SNX8: variants seen among roughly 807,000 people sequenced by gnomAD.
SNX8 encodes sorting nexin 8.
Under a neutral mutation model 51.6 loss-of-function variants are expected in SNX8, and 25 were observed. That is an observed-to-expected ratio of 0.48 (90% CI 0.35 to 0.68). The LOEUF (loss-of-function observed/expected upper bound fraction) is 0.68. Ranked by LOEUF, SNX8 falls within the 30% of genes least tolerant of loss-of-function variation. The pLI is 0.00. For synonymous variants in SNX8, 324 were observed against 277.0 expected, an observed-to-expected ratio of 1.17 and a Z score of -1.68; for missense variants, 695 against 624.0, an observed-to-expected ratio of 1.11 and a Z score of -1.21.
chr7:2,256,824 G>A (rs1382430399), intron 10 of SNX8, 50 bp downstream of exon 10: 5 of 1,573,148 alleles, frequency 3.2e-6, no homozygotes, highest in Non-Finnish European at 4.3e-6. Context: ...AGGGCGGAGG[G>A]ACAAAGAAAG....
At chr7:2,316,430 C>G (rs1796758725), upstream of SNX8, among the ~76,000 whole-genome samples, 1 of 151,482 alleles carries the variant, frequency 6.6e-6, no homozygotes, top group Non-Finnish European at 1.5e-5. Flanking sequence ...ATCCTGCATT[C>G]ATTCACCCAC....
chr7:2,274,036 C>T (rs1010102412), intron 3 of SNX8, among the ~76,000 whole-genome samples: 3 of 152,254 alleles, frequency 2.0e-5, no homozygotes, highest in Admixed American at 1.3e-4. Flanking sequence ...AGCGGCCCAG[C>T]GCGCGTGTGC....
At chr7:2,273,357 G>GC in intron 3 of SNX8, among the ~76,000 whole-genome samples, 1 of 147,926 alleles carries the variant, frequency 6.8e-6, no homozygotes, top group Non-Finnish European at 1.5e-5. Context: ...GGCTGAGGCA[G>GC]GTGGATCATG....
At chr7:2,268,285 T>C (rs1200100835) in intron 5 of SNX8, among the ~76,000 whole-genome samples, 2 of 136,736 alleles carry the variant, frequency 1.5e-5, no homozygotes, top group Non-Finnish European at 3.1e-5. Flanking sequence ...GTCTGAGAAG[T>C]GAGGAGACCC....
intron 9 of SNX8, 87 bp from the exon 10 acceptor site, chr7:2,257,110 G>A (rs1795205345): frequency 7.0e-7 from 1 of 1,431,886 alleles, no homozygotes; most frequent in African/African-American, 1.4e-5. Flanking sequence ...CCCTGAGCCA[G>A]GGCGGCCCCT....
Position 2,254,347 on chromosome 7 carries a change from G to A in SNX8, c.*709C>T, listed in dbSNP as rs1325905682. 6.5e-6 allele frequency: 1 copy of A among 154,374 alleles called. No homozygotes were observed. The highest frequency in any genetic ancestry group is 1.4e-5 in the Non-Finnish European group (1 of 69,612). 9.6% of individuals were successfully genotyped at this position (154,374 alleles called of 1,614,324 possible). On this transcript the variant is annotated 3_prime_UTR_variant, in exon 11 of 11. Transcript: ENST00000222990. ...AGGGAGTCCAGGGGACGAGAACACAGCTGCTGTAGCGCCCACTCTCAGAGC... is the reference window on the plus strand; with the variant it reads ...AGGGAGTCCAGGGGACGAGAACACAACTGCTGTAGCGCCCACTCTCAGAGC...
intron 1 of SNX8, among the ~76,000 whole-genome samples, chr7:2,303,514 G>A (rs1308774552): frequency 6.6e-6 from 1 of 152,258 alleles, no homozygotes; most frequent in Admixed American, 6.5e-5. Context: ...GAATAGAAGG[G>A]CGGGAAAGGT....
chr7:2,320,020 T>C (rs1478739436), intron 1 of SNX8, among the ~76,000 whole-genome samples: 13 of 152,178 alleles, frequency 8.5e-5, no homozygotes, highest in African/African-American at 2.4e-4. Flanking sequence ...TAAATCGTTA[T>C]ACAAGTATAA....
chr7:2,259,047 C>T lies in SNX8; in HGVS notation c.916-1244G>A, dbSNP rs145609812. Among the ~76,000 whole-genome samples the T allele has an allele frequency of 1.1e-4, 16 of 152,336 alleles. No individual in the cohort carries two copies. In the East Asian group the frequency reaches 1.7e-3, roughly 17 times the overall value. On this transcript the variant is annotated intron_variant, in intron 7 of 10. Coordinates refer to ENST00000222990, the MANE Select transcript of SNX8 (RefSeq NM_013321.4). ...GGGCGCAGGCCAGGCACAGTGCACA[C>T]GGCCCGAACACACGGTGCTCAGAGG...
rs193240550 is a variant in SNX8 at position 2,334,994 on chromosome 7, G to A, written c.-66+19228C>T. On this transcript the variant is annotated intron_variant, in intron 1 of 5. Coordinates refer to the SNX8 transcript ENST00000435336. ...ATGGATGACCTGACGTCAGGAGTTCGAGGCCAGCCTGTCCAATGTGGTGAA... is the reference window on the plus strand; with the variant it reads ...ATGGATGACCTGACGTCAGGAGTTCAAGGCCAGCCTGTCCAATGTGGTGAA... Among the ~76,000 whole-genome samples the A allele has an allele frequency of 6.3e-4, 95 of 151,738 alleles. 2 individuals carry two copies. The South Asian group carries it at 7.9e-3, about 13-fold the overall frequency.
intron 1 of SNX8, among the ~76,000 whole-genome samples, chr7:2,296,324 T>C (rs561386875): frequency 1.3e-5 from 2 of 152,106 alleles, no homozygotes; most frequent in South Asian, 4.1e-4. Flanking sequence ...GGGTGTTTGG[T>C]TGTTGTTATT....
chr7:2,332,722 T>TGAGAGA (rs371400352), intron 1 of SNX8, among the ~76,000 whole-genome samples: 1 of 125,568 alleles, frequency 8.0e-6, no homozygotes, highest in Non-Finnish European at 1.6e-5. Context: ...TGTACTCCAG[T>TGAGAGA]GAGAGAGAGA....
rs544792440 is a variant in SNX8, at chr7:2,281,906, C to A, written c.95-3601G>T. On this transcript the variant is annotated intron_variant, in intron 1 of 10. Transcript: ENST00000222990. ...GCCCTGATACTACAGCAACCCCCCA[C>A]AGGCCCCTCGAACGACAGCCCCTCC... Among the ~76,000 whole-genome samples, 30 of 152,292 alleles carry A rather than the reference C, an allele frequency of 2.0e-4. No individual in the cohort carries two copies. In the South Asian group the frequency reaches 6.2e-3, roughly 32 times the overall value.
Position 2,257,025 on chromosome 7 carries a change from T to C in SNX8, c.1135-2A>G, listed in dbSNP as rs1406825519. The C allele has an allele frequency of 6.3e-7, 1 of 1,598,072 alleles. No homozygotes were observed. The highest frequency in any genetic ancestry group is 1.1e-5 in the South Asian group (1 of 90,118). On this transcript the variant is annotated splice_acceptor_variant, in intron 9 of 10. Transcript: ENST00000222990. LOFTEE classifies it high-confidence loss of function. ...CATCGTCTGAATCGCGTTCTCCTGC[T>C]GCGGAGCAAACAGCCGCCTTTCGCA...
At chr7:2,305,175 T>C (rs1458225752) in intron 1 of SNX8, among the ~76,000 whole-genome samples, 2 of 152,182 alleles carry the variant, frequency 1.3e-5, no homozygotes, top group East Asian at 3.9e-4. Flanking sequence ...GGAGCTCTTC[T>C]GCTGATCAAC....
intron 5 of SNX8, among the ~76,000 whole-genome samples, chr7:2,269,131 G>A (rs943856220): frequency 5.6e-4 from 82 of 146,412 alleles, no homozygotes; most frequent in Non-Finnish European, 1.1e-3. Flanking sequence ...GATGGTTGCC[G>A]TGTCTGTGTA....
In SNX8 at chr7:2,257,783, G is replaced by A. The variant is rs777910274; in HGVS notation, c.936C>T (p.Asp312=). 5.6e-6 allele frequency: 9 copies of A among 1,613,880 alleles called. No homozygotes were observed. The highest frequency in any genetic ancestry group is 5.5e-5 in the South Asian group (5 of 91,096). The change falls in exon 8 of 11, where the codon GAC becomes GAT. Residue 312 remains aspartate, a synonymous_variant. Transcript: ENST00000222990. Reference sequence around the variant, plus strand: ...AGAAGAGGTTCAGCTTCTCCACCACGTCGTTCTCTTCCTGCTTACCCTGGA... The same window carrying A: ...AGAAGAGGTTCAGCTTCTCCACCACATCGTTCTCTTCCTGCTTACCCTGGA... ...AAQQGKQEEN[D]VVEKLNLFLD... is the part of the protein sequence containing the mutation.
intron 5 of SNX8, among the ~76,000 whole-genome samples, chr7:2,267,184 G>A (rs1795484455): frequency 2.0e-5 from 3 of 152,234 alleles, no homozygotes; most frequent in African/African-American, 4.8e-5. Flanking sequence ...GAAACCATGC[G>A]ACAGATGTCA....
At position 2,264,326 on chromosome 7, in the gene SNX8, C is replaced by G. The variant is rs1406362942; in HGVS notation, c.754G>C (p.Asp252His). The part of the protein sequence containing the change: ...IASRAIDNAA[D>H]LLIFGKELSA... ...AGCTCCTTCCCGAATATGAGAAGAT[C>G]TGCCGCATTGTCGATGGCCCGCGAT... Residue 252 changes from aspartate (D) to histidine (H), a missense_variant, in exon 6 of 11, where the codon GAT becomes CAT. Physicochemically the swap from Asp to His is moderately conservative, Grantham distance 81. Transcript: ENST00000222990. 1.2e-6 allele frequency: 2 copies of G among 1,612,590 alleles called. No homozygotes were observed. The highest frequency in any genetic ancestry group is 1.3e-5 in the African/African-American group (1 of 74,924).
Sources: allele counts gnomAD v4.1 joint callset (sites outside exome capture counted in the v4.1 genomes callset), GRCh38; gene constraint gnomAD v4.1.1; transcripts MANE v1.5; gene names NCBI Gene and HGNC (gene_info 2026-07-23, HGNC 2026-07-21).